Variants in TMEM71 observed in about 807,000 individuals in gnomAD.
TMEM71 encodes transmembrane protein 71.
A neutral mutation model predicts 38.0 loss-of-function variants in TMEM71; 44 were observed. The ratio of observed to expected loss-of-function variants is 1.16; its 90% CI spans 0.91 to 1.49. TMEM71 has a LOEUF of 1.49. TMEM71 is among the 40% of genes most tolerant of loss of function. The pLI, the probability that TMEM71 is intolerant of heterozygous loss-of-function variation, is 0.00. For synonymous variants in TMEM71, 133 were observed against 122.5 expected (o/e 1.09, Z -0.56); for missense variants, 367 against 348.6 (o/e 1.05, Z -0.42).
intron 5 of TMEM71, among the ~76,000 whole-genome samples, chr8:132,744,096 G>T (rs1266044435): frequency 6.6e-6 from 1 of 151,992 alleles, no homozygotes; most frequent in Non-Finnish European, 1.5e-5. Context: ...CTGAACCACA[G>T]TCCCTGCTCC....
chr8:132,736,607 A>G (rs1402405057), intron 5 of TMEM71, among the ~76,000 whole-genome samples: 1 of 152,176 alleles, frequency 6.6e-6, no homozygotes, highest in Non-Finnish European at 1.5e-5. Flanking sequence ...AGGAGGGCAG[A>G]TTACTTGAGC....
intron 3 of TMEM71, among the ~76,000 whole-genome samples, chr8:132,752,502 C>G (rs1459414072): frequency 6.6e-6 from 1 of 152,142 alleles, no homozygotes; most frequent in African/African-American, 2.4e-5. Context: ...CACACAGTTA[C>G]CTTCCCTGAT....
chr8:132,712,194 A>G (rs1215541160), intron 9 of TMEM71, among the ~76,000 whole-genome samples: 1 of 152,188 alleles, frequency 6.6e-6, no homozygotes, highest in Non-Finnish European at 1.5e-5. Flanking sequence ...ATGTGTGTGT[A>G]TATGAGGCTG....
chr8:132,763,534 G>A (rs749195650), upstream of TMEM71, among the ~76,000 whole-genome samples: 1 of 152,178 alleles, frequency 6.6e-6, no homozygotes, highest in African/African-American at 2.4e-5. Flanking sequence ...GGGAAAAGAC[G>A]AGTGGCAAAT....
intron 7 of TMEM71, among the ~76,000 whole-genome samples, chr8:132,716,786 GTC>G (rs1317275385): frequency 6.6e-6 from 1 of 152,018 alleles, no homozygotes; most frequent in Non-Finnish European, 1.5e-5. Context: ...CTCTCTCTCT[GTC>G]TCTCTGTCTT....
At chr8:132,752,780 A>AT (rs2131184798) in intron 3 of TMEM71, among the ~76,000 whole-genome samples, 1 of 150,474 alleles carries the variant, frequency 6.6e-6, no homozygotes, top group South Asian at 2.1e-4. Flanking sequence ...GAAAAAAAAA[A>AT]GGGAGAGAGA....
upstream of TMEM71, among the ~76,000 whole-genome samples, chr8:132,761,415 C>T (rs867894886): frequency 6.6e-6 from 1 of 152,142 alleles, no homozygotes; most frequent in African/African-American, 2.4e-5. Flanking sequence ...ATAATCGAGT[C>T]CTCAGCACAG....
intron 5 of TMEM71, among the ~76,000 whole-genome samples, chr8:132,729,896 A>G (rs1313819354): frequency 6.6e-6 from 1 of 152,288 alleles, no homozygotes; most frequent in African/African-American, 2.4e-5. Flanking sequence ...GTTTTGGCCT[A>G]TGTAGTGGGT....
At chr8:132,741,909 G>A (rs552336025) in intron 5 of TMEM71, among the ~76,000 whole-genome samples, 32 of 152,316 alleles carry the variant, frequency 2.1e-4, no homozygotes, top group Admixed American at 5.9e-4. Flanking sequence ...GCTATGTAGC[G>A]GGTGTTGTTC....
intron 9 of TMEM71, among the ~76,000 whole-genome samples, chr8:132,711,387 T>C (rs1193402509): frequency 6.6e-6 from 1 of 152,124 alleles, no homozygotes; most frequent in Middle Eastern, 3.2e-3. Context: ...GTAAAGAAAA[T>C]GGCTCAAAAG....
chr8:132,711,171 A>T (rs555306321), intron 9 of TMEM71, among the ~76,000 whole-genome samples, 189 bp from the exon 10 acceptor site: 3 of 152,292 alleles, frequency 2.0e-5, no homozygotes, highest in African/African-American at 7.2e-5. Flanking sequence ...TTTTGCTTTT[A>T]TCCCAGCAGT....
chr8:132,713,812 T>C (rs1826361054), intron 9 of TMEM71, among the ~76,000 whole-genome samples, 183 bp downstream of exon 9: 1 of 152,250 alleles, frequency 6.6e-6, no homozygotes, highest in South Asian at 2.1e-4. Context: ...TATTTTGATG[T>C]AAAAATTTAG....
chr8:132,710,991 G>C lies in TMEM71; in HGVS notation c.873-9C>G. Reference sequence around the variant, plus strand: ...GTCAAATTTTGACAAACCTAGATTGGAGAAATAAGAAAAGAAATGCATAAT... The same window carrying C: ...GTCAAATTTTGACAAACCTAGATTGCAGAAATAAGAAAAGAAATGCATAAT... On this transcript the variant is annotated splice_polypyrimidine_tract_variant and intron_variant, in intron 9 of 9. Transcript: ENST00000677595. 6.2e-7 allele frequency: 1 copy of C among 1,605,882 alleles called. No individual in the cohort carries two copies. The highest frequency in any genetic ancestry group is 1.1e-5 in the South Asian group (1 of 89,948).
intron 7 of TMEM71, among the ~76,000 whole-genome samples, chr8:132,715,776 T>C (rs959615370): frequency 2.0e-4 from 31 of 152,264 alleles, no homozygotes; most frequent in African/African-American, 7.5e-4. Flanking sequence ...AATTGTAGAA[T>C]AGCACATTTG....
rs1051586133 is a variant in TMEM71, at chr8:132,716,105, C to G, written c.753-1890G>C. ...CCGCCCTCCCAGGTGCAGCTGCAGC[C>G]GCTCAGCCATGGCTCTGAACCCAGG... On this transcript the variant is annotated intron_variant, in intron 7 of 9. Transcript: ENST00000677595. 2.0e-5 allele frequency among the ~76,000 whole-genome samples: 3 copies of G among 152,158 alleles called. No individual in the cohort carries two copies. In the South Asian group the frequency reaches 6.2e-4, roughly 32 times the overall value.
chr8:132,741,966 G>T (rs556200681), intron 5 of TMEM71, among the ~76,000 whole-genome samples: 1 of 152,216 alleles, frequency 6.6e-6, no homozygotes, highest in Non-Finnish European at 1.5e-5. Flanking sequence ...CTGGCAACGG[G>T]CGTCTTCCCA....
At chr8:132,752,752 A>G (rs1273972313) in intron 3 of TMEM71, among the ~76,000 whole-genome samples, 1 of 149,642 alleles carries the variant, frequency 6.7e-6, no homozygotes, top group East Asian at 2.0e-4. Context: ...ATCTAAAGGA[A>G]GGAAGAAGAG....
At chr8:132,762,925 T>C (rs767657999), upstream of TMEM71, among the ~76,000 whole-genome samples, 1 of 152,240 alleles carries the variant, frequency 6.6e-6, no homozygotes, top group African/African-American at 2.4e-5. Context: ...CAGAGGTTTA[T>C]AGAGTTTGCA....
downstream of TMEM71, among the ~76,000 whole-genome samples, chr8:132,709,679 A>C (rs1017825482): frequency 6.6e-6 from 1 of 152,082 alleles, no homozygotes; most frequent in Non-Finnish European, 1.5e-5. Context: ...AGGAATACAG[A>C]CAGCCACTGG....
Sources: allele counts gnomAD v4.1 joint callset (sites outside exome capture counted in the v4.1 genomes callset), GRCh38; gene constraint gnomAD v4.1.1; transcripts MANE v1.5; gene names NCBI Gene and HGNC (gene_info 2026-07-23, HGNC 2026-07-21).